Variants in PVT1 observed in about 807,000 individuals in gnomAD.
PVT1 encodes the protein Pvt1 oncogene.
chr8:127,898,176 T>C lies in PVT1; in HGVS notation n.782+7178T>C, dbSNP rs1156846335. ...TCCTCTGAACCTGAGTGAAGAAATATACTCTGTCCTTTGTACCTGCGTGAA... is the reference window on the plus strand; with the variant it reads ...TCCTCTGAACCTGAGTGAAGAAATACACTCTGTCCTTTGTACCTGCGTGAA... On this transcript the variant is annotated intron_variant and non_coding_transcript_variant, in intron 3 of 10. Coordinates refer to ENST00000651587, the Ensembl canonical transcript of PVT1. This position sits in a 1 kb window ranked among gnomAD's most constrained non-coding sequence, Gnocchi z 4.4. Among the ~76,000 whole-genome samples, 1 of 148,850 alleles carries C rather than the reference T, an allele frequency of 6.7e-6. No individual in the cohort carries two copies. Among genetic ancestry groups the C allele is most frequent in the African/African-American group, 2.5e-5 (1 of 40,364 alleles).
At chr8:127,944,207 C>A (rs1816389432) in intron 3 of PVT1, among the ~76,000 whole-genome samples, 1 of 152,174 alleles carries the variant, frequency 6.6e-6, no homozygotes, top group African/African-American at 2.4e-5. Context: ...CCTGCTTCAA[C>A]ATCCCAAAGT....
At chr8:127,800,791 A>G (rs2130188707) in intron 2 of PVT1, among the ~76,000 whole-genome samples, 1 of 152,318 alleles carries the variant, frequency 6.6e-6, no homozygotes, top group South Asian at 2.1e-4. Flanking sequence ...TTTCCATGCT[A>G]GAGCTTAGGT....
At chr8:128,054,958 G>A (rs574012893) in intron 4 of PVT1, among the ~76,000 whole-genome samples, 69 of 152,292 alleles carry the variant, frequency 4.5e-4, no homozygotes, top group African/African-American at 1.7e-3. Flanking sequence ...CATCCAATCA[G>A]TGGAAAGCCT....
At chr8:127,927,981 G>C (rs1453999973) in intron 3 of PVT1, among the ~76,000 whole-genome samples, 1 of 152,214 alleles carries the variant, frequency 6.6e-6, no homozygotes, top group East Asian at 1.9e-4. Flanking sequence ...CGTCCCCTCT[G>C]GCTGCCTTGC....
chr8:128,084,212 T>C (rs1360549204), intron 5 of PVT1, among the ~76,000 whole-genome samples: 1 of 152,228 alleles, frequency 6.6e-6, no homozygotes, highest in Non-Finnish European at 1.5e-5. Context: ...AAGTGCCTTC[T>C]CTGTCCTTAG....
chr8:128,022,673 T>A (rs1817451935), intron 4 of PVT1, among the ~76,000 whole-genome samples: 1 of 152,162 alleles, frequency 6.6e-6, no homozygotes, highest in Non-Finnish European at 1.5e-5. Flanking sequence ...CAAGTTCAAA[T>A]CCTGACTCAG....
intron 4 of PVT1, among the ~76,000 whole-genome samples, chr8:128,053,604 C>T (rs1041674430): frequency 2.0e-5 from 3 of 152,134 alleles, no homozygotes; most frequent in African/African-American, 7.2e-5. Context: ...CCCTAGGAAA[C>T]AAGCTCAATC....
intron 4 of PVT1, among the ~76,000 whole-genome samples, chr8:128,030,096 G>C (rs1332703331): frequency 6.6e-6 from 1 of 152,144 alleles, no homozygotes; most frequent in African/African-American, 2.4e-5. Flanking sequence ...TTGGGTGACA[G>C]AATGAGATGC....
At chr8:127,996,518 C>G (rs1412246258) in intron 4 of PVT1, 1 of 151,986 alleles carries the variant, frequency 6.6e-6, no homozygotes, top group Non-Finnish European at 1.5e-5. Context: ...CACAACAACA[C>G]TGAGCCTCAA....
intron 4 of PVT1, among the ~76,000 whole-genome samples, chr8:128,020,812 G>GCAGGCCC (rs1214418484): frequency 2.6e-5 from 4 of 152,238 alleles, no homozygotes; most frequent in Admixed American, 2.6e-4. Flanking sequence ...GTTTGGGAAT[G>GCAGGCCC]CAGGCCCCAG....
intron 2 of PVT1, among the ~76,000 whole-genome samples, chr8:127,800,134 A>G (rs909118395): frequency 2.6e-5 from 4 of 152,232 alleles, no homozygotes; most frequent in Admixed American, 6.5e-5. Context: ...CACTTAGCAC[A>G]GAGGAATAAG....
At chr8:127,919,678 C>A (rs1816033869) in intron 3 of PVT1, among the ~76,000 whole-genome samples, 1 of 152,168 alleles carries the variant, frequency 6.6e-6, no homozygotes, top group African/African-American at 2.4e-5. Context: ...AGCTGCCTGG[C>A]CTCTGATCAG....
At chr8:128,032,135 A>G (rs1813398929) in intron 4 of PVT1, among the ~76,000 whole-genome samples, 1 of 152,238 alleles carries the variant, frequency 6.6e-6, no homozygotes, top group Admixed American at 6.5e-5. Context: ...ATCCCAGGAA[A>G]CCGGGCCTTA....
chr8:128,063,244 G>C (rs1227895435), intron 4 of PVT1, among the ~76,000 whole-genome samples: 2 of 152,146 alleles, frequency 1.3e-5, no homozygotes, highest in African/African-American at 4.8e-5. Context: ...CAGGCACAGT[G>C]GCTCAAGCCT....
chr8:128,081,699 T>C (rs1814181879), intron 5 of PVT1, among the ~76,000 whole-genome samples: 1 of 152,174 alleles, frequency 6.6e-6, no homozygotes, highest in Non-Finnish European at 1.5e-5. Flanking sequence ...ACCGTGAGTA[T>C]AATAGTTGCT....
Position 127,898,797 on chromosome 8 carries a change from C to A in PVT1, n.782+7799C>A, listed in dbSNP as rs978468583. On this transcript the variant is annotated intron_variant and non_coding_transcript_variant, in intron 3 of 10. Coordinates refer to ENST00000651587, the Ensembl canonical transcript of PVT1. The surrounding 1 kb of genome is among the most constrained non-coding windows in gnomAD (Gnocchi z 4.4). Reference sequence around the variant, plus strand: ...TAAAATAGTGGCCACACGCTGATAGCTGGATTTCCAGTGCAGTTGCTGGGG... The same window carrying A: ...TAAAATAGTGGCCACACGCTGATAGATGGATTTCCAGTGCAGTTGCTGGGG... Among the ~76,000 whole-genome samples, 1 of 152,198 alleles carries A rather than the reference C, an allele frequency of 6.6e-6. No homozygotes were observed. Among genetic ancestry groups the A allele is most frequent in the Non-Finnish European group, 1.5e-5 (1 of 68,044 alleles).
chr8:127,917,439 C>A (rs1816000279), intron 3 of PVT1, among the ~76,000 whole-genome samples: 1 of 152,330 alleles, frequency 6.6e-6, no homozygotes, highest in Non-Finnish European at 1.5e-5. Context: ...CCCTTGAGAT[C>A]CCTTTCATGA....
chr8:127,807,789 C>T (rs1013531448), intron 2 of PVT1, among the ~76,000 whole-genome samples: 8 of 151,078 alleles, frequency 5.3e-5, no homozygotes, highest in East Asian at 1.9e-4. Context: ...TTTTTTGAGA[C>T]GGAGTCTCGC....
chr8:127,985,380 G>C (rs921897814), intron 3 of PVT1, among the ~76,000 whole-genome samples: 1 of 150,866 alleles, frequency 6.6e-6, no homozygotes, highest in African/African-American at 2.4e-5. Context: ...TCCTGCCTAA[G>C]CCTCCCAAAG....
Sources: gnomAD v4.1 joint callset for allele counts (sites outside exome capture counted in the v4.1 genomes callset) on GRCh38, gnomAD v4.1.1 for gene constraint, Gnocchi (gnomAD v3.1) non-coding constraint, MANE v1.5 for transcripts, NCBI Gene and HGNC (gene_info 2026-07-23, HGNC 2026-07-21) for gene names.